CUL7: variants seen among roughly 807,000 people sequenced by gnomAD.
The protein encoded by CUL7 is cullin-7.
A neutral mutation model predicts 177.7 loss-of-function variants in CUL7; 96 were observed. The ratio of observed to expected loss-of-function variants is 0.54; its 90% confidence interval spans 0.46 to 0.64. The LOEUF (loss-of-function observed/expected upper bound fraction) is 0.64. Ranked by LOEUF, CUL7 falls within the 30% of genes least tolerant of loss-of-function variation. The pLI is 0.00. For missense variants in CUL7, 1,893 were observed against 2,187.9 expected (o/e 0.87, Z 2.69); for synonymous variants, 824 against 890.2 (o/e 0.93, Z 1.32).
At position 43,053,116 on chromosome 6, in the gene CUL7, G is replaced by A. The variant is rs1348686921; in HGVS notation, c.-8-320C>T. Among the ~76,000 whole-genome samples, 1 of 152,182 alleles carries A rather than the reference G, an allele frequency of 6.6e-6. No homozygotes were observed. Among genetic ancestry groups the A allele is most frequent in the Non-Finnish European group, 1.5e-5 (1 of 68,026 alleles). Reference sequence around the variant, plus strand: ...CTTGGAGTTACAAGTGAATCCCAAGGCCTTGGAACAGGCAGCAACCTATGG... The same window carrying A: ...CTTGGAGTTACAAGTGAATCCCAAGACCTTGGAACAGGCAGCAACCTATGG... On this transcript the variant is annotated intron_variant, in intron 1 of 25. Transcript: ENST00000265348. This position sits in a 1 kb window ranked among gnomAD's most constrained non-coding sequence, Gnocchi z 4.1.
chr6:43,038,890 A>T lies in CUL7; in HGVS notation c.4392T>A (p.His1464Gln). 1 of 1,614,184 alleles carries T rather than the reference A, an allele frequency of 6.2e-7. No individual in the cohort carries two copies. Among genetic ancestry groups the T allele is most frequent in the Non-Finnish European group, 8.5e-7 (1 of 1,180,018 alleles). ...AELQFGNQTLHVSTVQMWLLL... is the reference protein window; with the variant it reads ...AELQFGNQTLQVSTVQMWLLL... ...GTAGCCACATCTGCACGGTGGACAC[A>T]TGCAGGGTCTGGTTCCCAAACTGCA... is the stretch of plus-strand genomic sequence containing the variant. Residue 1464 changes from histidine to glutamine, a missense_variant, in exon 23 of 26, where the codon CAT (histidine) becomes CAA (glutamine). By Grantham distance (24) the His-to-Gln change is conservative. Coordinates refer to ENST00000265348, the MANE Select transcript of CUL7 (RefSeq NM_014780.5).
Position 43,045,120 on chromosome 6 carries a change from C to A in CUL7, c.3038+107G>T. Reference sequence around the variant, plus strand: ...AGAAAACTCCAGCCCCCTCCCCACGCATATTAAACCTCCATCTCACAGCTT... The same window carrying A: ...AGAAAACTCCAGCCCCCTCCCCACGAATATTAAACCTCCATCTCACAGCTT... On this transcript the variant is annotated intron_variant, in intron 15 of 25. Coordinates refer to ENST00000265348, the MANE Select transcript of CUL7 (RefSeq NM_014780.5). This position sits in a 1 kb window ranked among gnomAD's most constrained non-coding sequence, Gnocchi z 4.8. 3 of 1,437,226 alleles carry A rather than the reference C, an allele frequency of 2.1e-6. No individual in the cohort carries two copies. Among genetic ancestry groups the A allele is most frequent in the African/African-American group, 1.4e-5 (1 of 70,892 alleles). The allele number at this position is 1,437,226 out of a possible 1,614,324, so 89.0% of individuals were successfully genotyped here.
Position 43,050,857 on chromosome 6 carries a change from C to A in CUL7, c.1233+111G>T. ...GACTCTTTTCACCATTCCAATCTTA[C>A]CTAAAGCTTTCTCTTTGGGTGGCCT... On this transcript the variant is annotated intron_variant, in intron 4 of 25. Transcript: ENST00000265348. The surrounding 1 kb of genome is among the most constrained non-coding windows in gnomAD (Gnocchi z 4.1). 7.3e-7 allele frequency: 1 copy of A among 1,369,464 alleles called. No homozygotes were observed. The allele number at this position is 1,369,464 out of a possible 1,614,324, so 84.8% of individuals were successfully genotyped here. A position where few individuals can be genotyped will look rare whatever the true frequency, so the allele number is the denominator to read the frequency against.
rs144154816 is a variant in CUL7 at position 43,039,001 on chromosome 6, G to A, written c.4295-14C>T. ...GGTGGCTCTGACCTGGACCAGGAAG[G>A]GGGAGGGAGACAAAGAGCAGGTGAA... On this transcript the variant is annotated splice_polypyrimidine_tract_variant and intron_variant, in intron 22 of 25. Coordinates refer to ENST00000265348, the MANE Select transcript of CUL7 (RefSeq NM_014780.5). 138 of 1,586,862 alleles carry A rather than the reference G, an allele frequency of 8.7e-5. 1 individual carries two copies. The South Asian group carries it at 1.4e-3, about 16-fold the overall frequency.
rs896926122 is a variant in CUL7, at chr6:43,042,749, A to T, written c.3645+53T>A. 18 of 1,191,014 alleles carry T rather than the reference A, an allele frequency of 1.5e-5. No individual in the cohort carries two copies. The Admixed American group carries it at 2.4e-4, about 16-fold the overall frequency. The allele number at this position is 1,191,014 out of a possible 1,614,324, so 73.8% of individuals were successfully genotyped here. A position where few individuals can be genotyped will look rare whatever the true frequency, so the allele number is the denominator to read the frequency against. On this transcript the variant is annotated intron_variant, in intron 19 of 25. Transcript: ENST00000265348. ...GGTGGGTCATTTGGAGGAGGTGAGG[A>T]AGGGAGAGTTTGTCGGAAGAGACCC...
At chr6:43,041,633 G>T (rs1347749503) in intron 19 of CUL7, among the ~76,000 whole-genome samples, 4 of 146,934 alleles carry the variant, frequency 2.7e-5, no homozygotes, top group Non-Finnish European at 4.5e-5. Context: ...GAAAGGGAGA[G>T]AAAGAAAAAG....
intron 25 of CUL7, 81 bp from the exon 26 acceptor site, chr6:43,038,092 G>A: frequency 6.6e-7 from 1 of 1,521,864 alleles, no homozygotes; most frequent in South Asian, 1.3e-5. Flanking sequence ...CCAACCACCA[G>A]CTGCTAGGAC....
In CUL7 at chr6:43,052,597, G is replaced by A. The variant is rs1312042576; in HGVS notation, c.192C>T (p.His64=). The A allele has an allele frequency of 3.7e-6, 6 of 1,614,276 alleles. No individual in the cohort carries two copies. The highest frequency in any genetic ancestry group is 1.1e-5 in the South Asian group (1 of 91,088). ...GSGQVDCKAE[H]ILLWMSKDEI... ...CATCCTTGGACATCCACAGCAGGAT[G>A]TGCTCAGCCTTGCAGTCCACTTGGC... The change falls in exon 2 of 26, where the codon CAC becomes CAT. Residue 64 remains histidine, a synonymous_variant. Transcript: ENST00000265348. This position sits in a 1 kb window ranked among gnomAD's most constrained non-coding sequence, Gnocchi z 4.5.
In CUL7 at chr6:43,052,906, G is replaced by C; in HGVS notation, c.-8-110C>G. ...AATGGCAACAGCTGTCAGGCGGGGT[G>C]GGGTAAAGCCAGGCCCAGGAGTTGC... On this transcript the variant is annotated intron_variant, in intron 1 of 25. Coordinates refer to ENST00000265348, the MANE Select transcript of CUL7 (RefSeq NM_014780.5). This position sits in a 1 kb window ranked among gnomAD's most constrained non-coding sequence, Gnocchi z 4.5. 1.7e-6 allele frequency: 2 copies of C among 1,197,682 alleles called. No individual in the cohort carries two copies. Among genetic ancestry groups the C allele is most frequent in the Non-Finnish European group, 2.4e-6 (2 of 840,736 alleles). The allele number at this position is 1,197,682 out of a possible 1,614,324, so 74.2% of individuals were successfully genotyped here. A position where few individuals can be genotyped will look rare whatever the true frequency, so the allele number is the denominator to read the frequency against.
At chr6:43,044,280 C>T (rs1214823247) in intron 16 of CUL7, among the ~76,000 whole-genome samples, 1 of 152,060 alleles carries the variant, frequency 6.6e-6, no homozygotes, top group Non-Finnish European at 1.5e-5. Flanking sequence ...CGAGACTGCG[C>T]CATTGCACTC....
rs1763893901 is a variant in CUL7, at chr6:43,046,259, G to A, written c.2637C>T (p.His879=). 7 of 1,614,248 alleles carry A rather than the reference G, an allele frequency of 4.3e-6. No individual in the cohort carries two copies. The highest frequency in any genetic ancestry group is 5.9e-6 in the Non-Finnish European group (7 of 1,180,040). ...ACCTGATGAGGATGCCCCGGCGCAT[G>A]TGCAGGGTGATGTAGTGGGAGCCGG... The part of the protein sequence containing the change: ...GSAGSHYITL[H]MRRGILIRQL... Residue 879 remains histidine, a synonymous_variant, in exon 12 of 26, where the codon CAC becomes CAT. Coordinates refer to ENST00000265348, the MANE Select transcript of CUL7 (RefSeq NM_014780.5).
At position 43,053,840 on chromosome 6, in the gene CUL7, G is replaced by A; in HGVS notation, c.-227C>T. 6.5e-7 allele frequency: 1 copy of A among 1,533,034 alleles called. No homozygotes were observed. The highest frequency in any genetic ancestry group is 8.7e-7 in the Non-Finnish European group (1 of 1,146,282). The allele number at this position is 1,533,034 out of a possible 1,614,324, so 95.0% of individuals were successfully genotyped here. A position where few individuals can be genotyped will look rare whatever the true frequency, so the allele number is the denominator to read the frequency against. Reference sequence around the variant, plus strand: ...CCGGTCCCTGCCAGCGGCTCCGCCAGCCAAAAGCCACGGCTCATTTCCGCC... The same window carrying A: ...CCGGTCCCTGCCAGCGGCTCCGCCAACCAAAAGCCACGGCTCATTTCCGCC... On this transcript the variant is annotated 5_prime_UTR_variant, in exon 1 of 26. Coordinates refer to ENST00000265348, the MANE Select transcript of CUL7 (RefSeq NM_014780.5). This position sits in a 1 kb window ranked among gnomAD's most constrained non-coding sequence, Gnocchi z 4.1.
chr6:43,047,810 A>G, intron 9 of CUL7: 1 of 317,382 alleles, frequency 3.2e-6, no homozygotes, highest in Non-Finnish European at 5.9e-6. Context: ...AAGATCACAC[A>G]TTTGGGTTTG....
rs1763391531 is a variant in CUL7, at chr6:43,041,234, AC to A, written c.3646-160del. 1.8e-5 allele frequency: 12 copies of A among 678,274 alleles called. No homozygotes were observed. In the Admixed American group the frequency reaches 2.3e-4, roughly 13 times the overall value. 42.0% of individuals were successfully genotyped at this position (678,274 alleles called of 1,614,324 possible). A position where few individuals can be genotyped will look rare whatever the true frequency, so the allele number is the denominator to read the frequency against. On this transcript the variant is annotated intron_variant, in intron 19 of 25. Transcript: ENST00000265348. Reference sequence around the variant, plus strand: ...ATTTTATAAGATCATTAACCATTGTACAAATTAGCAATATTAACAATTATGG... The same window carrying A: ...ATTTTATAAGATCATTAACCATTGTAAAATTAGCAATATTAACAATTATGG...
chr6:43,047,539 T>C (rs1581942388), intron 9 of CUL7, among the ~76,000 whole-genome samples: 1 of 152,258 alleles, frequency 6.6e-6, no homozygotes, highest in Admixed American at 6.5e-5. Flanking sequence ...CCTTAGAAAG[T>C]AAATTCTAGG....
rs375557528 is a variant in CUL7, at chr6:43,050,350, G to A, written c.1282C>T (p.Leu428=). The change falls in exon 5 of 26, where the codon CTG becomes TTG. Residue 428 remains leucine, a synonymous_variant. Coordinates refer to ENST00000265348, the MANE Select transcript of CUL7 (RefSeq NM_014780.5). This position sits in a 1 kb window ranked among gnomAD's most constrained non-coding sequence, Gnocchi z 4.1. ...TCTTCCTCAAAGCCCAAGATCTCCA[G>A]CATGTGCCAGTGCACCCAATAGGTG... The part of the protein sequence containing the change: ...GRTYWVHWHM[L]EILGFEEDIE... 4.3e-6 allele frequency: 7 copies of A among 1,614,136 alleles called. No individual in the cohort carries two copies. The highest frequency in any genetic ancestry group is 5.9e-6 in the Non-Finnish European group (7 of 1,180,016).
Position 43,044,827 on chromosome 6 carries a change from C to G in CUL7, c.3097G>C (p.Glu1033Gln). 6.2e-7 allele frequency: 1 copy of G among 1,613,978 alleles called. No individual in the cohort carries two copies. Among genetic ancestry groups the G allele is most frequent in the South Asian group, 1.1e-5 (1 of 91,072 alleles). Reference sequence around the variant, plus strand: ...GTCTTGCCCAGAGCTTGGGCAGCCTCGTCATCAGGGAGGAAGCGGTCAGCA... The same window carrying G: ...GTCTTGCCCAGAGCTTGGGCAGCCTGGTCATCAGGGAGGAAGCGGTCAGCA... ...NFADRFLPDDEAAQALGKTCW... is the reference protein window; with the variant it reads ...NFADRFLPDDQAAQALGKTCW... Residue 1033 changes from glutamate (E) to glutamine (Q), a missense_variant, in exon 16 of 26, where the codon GAG becomes CAG. Transcript: ENST00000265348.
Position 43,040,638 on chromosome 6 carries a change from C to T in CUL7, c.3915G>A (p.Leu1305=), listed in dbSNP as rs376630030. The change falls in exon 21 of 26, where the codon TTG becomes TTA. Residue 1305 remains leucine (L), a synonymous_variant. Transcript: ENST00000265348. The surrounding 1 kb of genome is among the most constrained non-coding windows in gnomAD (Gnocchi z 4.2). The part of the protein sequence containing the change: ...CFPNRLPQQM[L]QSLSTSKELQ... ...GCTCCTTAGAGGTGCTCAGGCTCTG[C>T]AACATCTGCTGGGGGAGGCGGTTGG... 50 of 1,614,260 alleles carry T rather than the reference C, an allele frequency of 3.1e-5. No homozygotes were observed. The African/African-American group carries it at 4.4e-4, about 14-fold the overall frequency.
At chr6:43,047,957 C>T (rs1376832997) in intron 9 of CUL7, 191 bp downstream of exon 9, 9 of 598,024 alleles carry the variant, frequency 1.5e-5, no homozygotes, top group Non-Finnish European at 2.1e-5. Flanking sequence ...CTTGTTAGAG[C>T]GTTTTGATTT....
Sources: gnomAD v4.1 joint callset for allele counts (sites outside exome capture counted in the v4.1 genomes callset) on GRCh38, gnomAD v4.1.1 for gene constraint, Gnocchi (gnomAD v3.1) non-coding constraint, MANE v1.5 for transcripts, NCBI Gene and HGNC (gene_info 2026-07-23, HGNC 2026-07-21) for gene names.